The following LOC128125822 variants were observed in gnomAD, a reference collection of about 807,000 sequenced individuals.
At chr6:63,582,937 A>G in the LOC128125822 span, 1 of 152,188 alleles carries the variant, frequency 6.6e-6, no homozygotes, top group Non-Finnish European at 1.5e-5. Flanking sequence ...GTGCTTCAAA[A>G]TGATGTAGTC....
At chr6:63,578,108 GGTTAAT>G in the LOC128125822 span, among the ~76,000 whole-genome samples, 3 of 151,896 alleles carry the variant, frequency 2.0e-5, no homozygotes, top group Non-Finnish European at 4.4e-5. Flanking sequence ...AGCCCCTTTT[GGTTAAT>G]GTTTCATCCC....
At chr6:63,579,249 C>T in the LOC128125822 span, 6 of 1,596,802 alleles carry the variant, frequency 3.8e-6, no homozygotes, top group Middle Eastern at 1.7e-4. Flanking sequence ...AAATTCTTAC[C>T]TCACCAGAGC....
At chr6:63,582,327 A>C in the LOC128125822 span, 5 of 152,662 alleles carry the variant, frequency 3.3e-5, no homozygotes, top group African/African-American at 4.8e-5. Flanking sequence ...TGCCATCATG[A>C]TTAATGAAAA....
At chr6:63,573,337 G>A in the LOC128125822 span, 1 of 152,376 alleles carries the variant, frequency 6.6e-6, no homozygotes, top group Non-Finnish European at 1.5e-5. Flanking sequence ...GGGTGGTAAC[G>A]ATCTGGTTCC....
At chr6:63,577,410 T>G in the LOC128125822 span, among the ~76,000 whole-genome samples, 1 of 152,352 alleles carries the variant, frequency 6.6e-6, no homozygotes, top group Admixed American at 6.5e-5. Flanking sequence ...ATGGTAGCTA[T>G]GTAGCCAAAA....
At chr6:63,578,567 T>A in the LOC128125822 span, 1 of 1,583,430 alleles carries the variant, frequency 6.3e-7, no homozygotes, top group Non-Finnish European at 8.5e-7. Flanking sequence ...TATGGTGCTG[T>A]GCTACAAAAG....
the LOC128125822 span, chr6:63,581,193 C>T: frequency 6.6e-6 from 1 of 151,968 alleles, no homozygotes; most frequent in African/African-American, 2.4e-5. Flanking sequence ...TGGGTTTCTG[C>T]TAATGAATTG....
At chr6:63,572,818 G>T in the LOC128125822 span, 1 of 396,286 alleles carries the variant, frequency 2.5e-6, no homozygotes, top group Non-Finnish European at 4.5e-6. Flanking sequence ...TCTCCTCCAG[G>T]TTGCCCCGGG....
chr6:63,580,545 T>A, the LOC128125822 span: 1 of 171,612 alleles, frequency 5.8e-6, no homozygotes, highest in East Asian at 1.5e-4. Context: ...GCACAATACT[T>A]GTATATTTTT....
At chr6:63,577,973 G>C in the LOC128125822 span, among the ~76,000 whole-genome samples, 1 of 128,944 alleles carries the variant, frequency 7.8e-6, no homozygotes, top group Non-Finnish European at 1.6e-5. Flanking sequence ...TTTTACTGTA[G>C]TTAAGACTTC....
the LOC128125822 span, chr6:63,581,391 C>T: frequency 6.6e-6 from 1 of 152,464 alleles, no homozygotes; most frequent in African/African-American, 2.4e-5. Flanking sequence ...CAGTGTTCAC[C>T]AGCTTGTAAA....
chr6:63,577,528 A>G, the LOC128125822 span, among the ~76,000 whole-genome samples: 3 of 152,186 alleles, frequency 2.0e-5, no homozygotes, highest in African/African-American at 4.8e-5. Flanking sequence ...AGAAATAGCA[A>G]ATAGGCCTCT....
the LOC128125822 span, among the ~76,000 whole-genome samples, chr6:63,578,262 A>G: frequency 6.6e-6 from 1 of 152,220 alleles, no homozygotes; most frequent in Non-Finnish European, 1.5e-5. Context: ...ATATTCTAGC[A>G]TTGTCACTTA....
the LOC128125822 span, chr6:63,579,012 G>A: frequency 3.1e-5 from 49 of 1,597,436 alleles, no homozygotes; most frequent in Non-Finnish European, 3.9e-5. Flanking sequence ...TGTTCATTGC[G>A]TTGCAGGCCT....
the LOC128125822 span, among the ~76,000 whole-genome samples, chr6:63,576,057 G>A: frequency 6.6e-6 from 1 of 150,568 alleles, no homozygotes; most frequent in Admixed American, 6.6e-5. Flanking sequence ...AACAACTATC[G>A]AAAGGGATAA....
At chr6:63,572,587 A>C in the LOC128125822 span, 7 of 415,678 alleles carry the variant, frequency 1.7e-5, no homozygotes, top group Non-Finnish European at 2.5e-5. Context: ...CGCCGCCTGC[A>C]TCGCCGCCAC....
the LOC128125822 span, among the ~76,000 whole-genome samples, chr6:63,577,819 T>C: frequency 8.6e-5 from 13 of 150,946 alleles, no homozygotes; most frequent in South Asian, 1.9e-3. Context: ...GGAAATACTT[T>C]AATGGTACTT....
At chr6:63,576,888 G>A in the LOC128125822 span, 8 of 1,611,922 alleles carry the variant, frequency 5.0e-6, no homozygotes, top group Non-Finnish European at 5.9e-6. Context: ...AACATGGCTC[G>A]AATGAACCGC....
At chr6:63,577,551 G>C in the LOC128125822 span, among the ~76,000 whole-genome samples, 1 of 151,966 alleles carries the variant, frequency 6.6e-6, no homozygotes. Context: ...GAACATAATG[G>C]AAATACTTTT....
Sources: allele counts gnomAD v4.1 joint callset (sites outside exome capture counted in the v4.1 genomes callset), GRCh38; gene constraint gnomAD v4.1.1; transcripts MANE v1.5.